SNAP91: variants seen among roughly 807,000 people sequenced by gnomAD.
SNAP91 encodes synaptosome associated protein 91, also known as clathrin coat assembly protein AP180.
In SNAP91, 27 loss-of-function variants were observed where a neutral mutation model predicts 100.3. The ratio of observed to expected loss-of-function variants is 0.27; its 90% confidence interval spans 0.20 to 0.37. The LOEUF (loss-of-function observed/expected upper bound fraction) is 0.37, where lower values mean the gene tolerates loss of function less well. Ranked by LOEUF, SNAP91 falls within the 10% of genes least tolerant of loss-of-function variation. The probability of loss-of-function intolerance (pLI) is 1.00; values close to 1 mark genes in which losing one functional copy is unlikely to be tolerated. For synonymous variants in SNAP91, 404 were observed against 398.6 expected, an observed-to-expected ratio of 1.01 and a Z score of -0.16; for missense variants, 986 against 1,123.7, an observed-to-expected ratio of 0.88 and a Z score of 1.75.
At chr6:83,681,155 T>A (rs217294) in intron 2 of SNAP91, among the ~76,000 whole-genome samples, 123,173 of 152,168 alleles carry the variant, frequency 0.81, 50,167 homozygotes, top group East Asian at 0.96. Context: ...TGAAATTACC[T>A]TTTTTGTCAG....
chr6:83,595,711 C>A (rs1401355040), intron 16 of SNAP91, among the ~76,000 whole-genome samples: 2 of 152,098 alleles, frequency 1.3e-5, no homozygotes, highest in Admixed American at 1.3e-4. Context: ...TTCCTTCAGT[C>A]ATGAAAATAA....
intron 8 of SNAP91, among the ~76,000 whole-genome samples, chr6:83,638,198 G>A (rs1225832564): frequency 5.3e-5 from 8 of 152,082 alleles, no homozygotes; most frequent in African/African-American, 1.9e-4. Context: ...CAGGTTTCCC[G>A]GCTTCCTCCC....
intron 29 of SNAP91, among the ~76,000 whole-genome samples, chr6:83,555,488 A>G (rs2127748196): frequency 6.6e-6 from 1 of 152,324 alleles, no homozygotes; most frequent in Non-Finnish European, 1.5e-5. Flanking sequence ...GTGGATGTGA[A>G]AAGTACCGTG....
At chr6:83,608,757 T>C (rs1472638237) in intron 12 of SNAP91, among the ~76,000 whole-genome samples, 3 of 152,162 alleles carry the variant, frequency 2.0e-5, no homozygotes, top group Admixed American at 6.6e-5. Context: ...TTAAATATTA[T>C]GTTTGTCCAA....
At chr6:83,665,804 CTTAA>C (rs1397272492) in intron 2 of SNAP91, among the ~76,000 whole-genome samples, 4 of 151,986 alleles carry the variant, frequency 2.6e-5, no homozygotes, top group African/African-American at 9.7e-5. Flanking sequence ...TATTTTGCTA[CTTAA>C]TTTTCTTCTG....
Position 83,707,689 on chromosome 6 carries a change from TG to T in SNAP91, c.130+108del, listed in dbSNP as rs2099399036. 23 of 1,422,140 alleles carry T rather than the reference TG, an allele frequency of 1.6e-5. 1 individual carries two copies. In the South Asian group the frequency reaches 2.7e-4, roughly 17 times the overall value. 88.1% of individuals were successfully genotyped at this position (1,422,140 alleles called of 1,614,324 possible). A position where few individuals can be genotyped will look rare whatever the true frequency, so the allele number is the denominator to read the frequency against. ...AATTTCAGCTCAGGGGCAACCTGGCTGGGAGTATCAGAGGCCACAGCATTAT... is the reference window on the plus strand; with the variant it reads ...AATTTCAGCTCAGGGGCAACCTGGCTGGAGTATCAGAGGCCACAGCATTAT... On this transcript the variant is annotated intron_variant, in intron 2 of 29. Transcript: ENST00000369694.
chr6:83,601,433 A>C lies in SNAP91; in HGVS notation c.1162T>G (p.Leu388Val). The change falls in exon 16 of 30, where the codon TTG becomes GTG. Residue 388 changes from leucine to valine, a missense_variant. Transcript: ENST00000369694. Reference sequence around the variant, plus strand: ...GAGGGAACAGAGGAAAGTGCAGCCAAAGAATCTATATTTCACCAGAGACAG... The same window carrying C: ...GAGGGAACAGAGGAAAGTGCAGCCACAGAATCTATATTTCACCAGAGACAG... ...AWGDLLGEDS[L>V]AALSSVPSEA... 1 of 1,613,658 alleles carries C rather than the reference A, an allele frequency of 6.2e-7. No homozygotes were observed. Among genetic ancestry groups the C allele is most frequent in the Non-Finnish European group, 8.5e-7 (1 of 1,179,756 alleles).
chr6:83,670,811 C>T (rs117000584), intron 2 of SNAP91, among the ~76,000 whole-genome samples: 244 of 151,514 alleles, frequency 1.6e-3, no homozygotes, highest in East Asian at 0.012. Flanking sequence ...ATAAATGGAC[C>T]ACAAATCTTT....
intron 2 of SNAP91, among the ~76,000 whole-genome samples, chr6:83,670,505 G>A (rs1415851831): frequency 1.3e-5 from 2 of 151,464 alleles, no homozygotes; most frequent in African/African-American, 2.4e-5. Flanking sequence ...TTTCTTAACA[G>A]TGTCTTTGAA....
intron 28 of SNAP91, among the ~76,000 whole-genome samples, chr6:83,556,804 G>A (rs1409201794): frequency 6.6e-6 from 1 of 152,162 alleles, no homozygotes; most frequent in Non-Finnish European, 1.5e-5. Flanking sequence ...GAAACGGTTT[G>A]CAGAAAGCTA....
chr6:83,637,958 G>A, intron 8 of SNAP91, among the ~76,000 whole-genome samples: 1 of 152,158 alleles, frequency 6.6e-6, no homozygotes, highest in Admixed American at 6.5e-5. Flanking sequence ...CAGGCCACCA[G>A]CAAAACACTC....
intron 2 of SNAP91, among the ~76,000 whole-genome samples, chr6:83,670,603 T>G (rs778623724): frequency 6.6e-6 from 1 of 151,976 alleles, no homozygotes; most frequent in Non-Finnish European, 1.5e-5. Flanking sequence ...CACAAAGATT[T>G]TCTACGTTTC....
At chr6:83,608,820 T>G (rs1354507517) in intron 12 of SNAP91, among the ~76,000 whole-genome samples, 2 of 152,150 alleles carry the variant, frequency 1.3e-5, no homozygotes, top group Non-Finnish European at 2.9e-5. Context: ...TGCCAAGCAT[T>G]TAGCACTTCA....
At chr6:83,692,127 G>T (rs986695757) in intron 2 of SNAP91, among the ~76,000 whole-genome samples, 1 of 152,106 alleles carries the variant, frequency 6.6e-6, no homozygotes, top group Non-Finnish European at 1.5e-5. Flanking sequence ...TTACAGTATT[G>T]AAAGATACCT....
At chr6:83,687,847 G>A (rs536875264) in intron 2 of SNAP91, among the ~76,000 whole-genome samples, 1 of 152,214 alleles carries the variant, frequency 6.6e-6, no homozygotes, top group South Asian at 2.1e-4. Flanking sequence ...ACTGACTGAA[G>A]GAAATGGGGG....
At chr6:83,657,641 T>C (rs1457072464) in intron 6 of SNAP91, among the ~76,000 whole-genome samples, 1 of 152,178 alleles carries the variant, frequency 6.6e-6, no homozygotes, top group South Asian at 2.1e-4. Context: ...TTAACAGAGA[T>C]GCTAAGTTAC....
At chr6:83,684,056 A>C (rs765689069) in intron 2 of SNAP91, among the ~76,000 whole-genome samples, 7 of 152,152 alleles carry the variant, frequency 4.6e-5, no homozygotes, top group Non-Finnish European at 1.0e-4. Flanking sequence ...ATTTTTAATC[A>C]GCTCTCAAAA....
At chr6:83,619,438 G>A (rs1310299789) in intron 9 of SNAP91, among the ~76,000 whole-genome samples, 1 of 152,156 alleles carries the variant, frequency 6.6e-6, no homozygotes, top group Non-Finnish European at 1.5e-5. Context: ...TTTCCAAGGA[G>A]CAAAAACTTT....
rs1773446420 is a variant in SNAP91 at position 83,553,091 on chromosome 6, AAC to A, written c.*1203_*1204del. 1 of 152,622 alleles carries A rather than the reference AAC, an allele frequency of 6.6e-6. No homozygotes were observed. The highest frequency in any genetic ancestry group is 6.5e-5 in the Admixed American group (1 of 15,270). 9.5% of individuals were successfully genotyped at this position (152,622 alleles called of 1,614,324 possible). ...TATTAAATAATTTGAAAAATAGGCA[AAC>A]ACCTTTCCAACCCAATATGCTTTTA... On this transcript the variant is annotated 3_prime_UTR_variant, in exon 30 of 30. Coordinates refer to ENST00000369694, the MANE Select transcript of SNAP91 (RefSeq NM_001242792.2).
Sources: allele counts gnomAD v4.1 joint callset (sites outside exome capture counted in the v4.1 genomes callset), GRCh38; gene constraint gnomAD v4.1.1; transcripts MANE v1.5; gene names NCBI Gene and HGNC (gene_info 2026-07-23, HGNC 2026-07-21).